The following FCHSD2 variants were observed in gnomAD, a reference collection of about 807,000 sequenced individuals.
The protein encoded by FCHSD2 is F-BAR and double SH3 domains protein 2.
FCHSD2 carries 38 observed loss-of-function variants against 108.1 expected under a neutral mutation model. The observed-to-expected ratio is 0.35, with a 90% CI of 0.27 to 0.46. The LOEUF is 0.46. Among genes scored for constraint, FCHSD2 ranks in the 20% least tolerant of loss-of-function variants. The pLI, the probability that FCHSD2 is intolerant of heterozygous loss-of-function variation, is 1.00. For missense variants in FCHSD2, 751 were observed against 897.8 expected, an observed-to-expected ratio of 0.84 and a Z score of 2.09; for synonymous variants, 279 against 314.7, an observed-to-expected ratio of 0.89 and a Z score of 1.20.
intron 2 of FCHSD2, among the ~76,000 whole-genome samples, chr11:73,105,857 T>C (rs1257680618): frequency 6.6e-6 from 1 of 152,226 alleles, no homozygotes; most frequent in African/African-American, 2.4e-5. Context: ...CTATTAAGTC[T>C]GAATGAAGAA....
At chr11:72,912,518 A>G (rs1196895110) in intron 9 of FCHSD2, among the ~76,000 whole-genome samples, 1 of 152,138 alleles carries the variant, frequency 6.6e-6, no homozygotes, top group African/African-American at 2.4e-5. Context: ...TGTTGAATTC[A>G]GTTTGCTAGT....
At chr11:73,024,235 A>C (rs182521085) in intron 3 of FCHSD2, among the ~76,000 whole-genome samples, 35 of 152,324 alleles carry the variant, frequency 2.3e-4, no homozygotes, top group African/African-American at 7.5e-4. Flanking sequence ...ATTGTATTAC[A>C]AAATGTGAGA....
At chr11:73,049,696 AAAAAAG>A (rs1858852523) in intron 3 of FCHSD2, among the ~76,000 whole-genome samples, 1 of 151,550 alleles carries the variant, frequency 6.6e-6, no homozygotes. Context: ...AAAAAAAAAA[AAAAAAG>A]AAAAAGGGGG....
intron 13 of FCHSD2, among the ~76,000 whole-genome samples, chr11:72,861,122 T>C (rs1861561593): frequency 6.6e-6 from 1 of 152,066 alleles, no homozygotes; most frequent in Non-Finnish European, 1.5e-5. Flanking sequence ...AGCTGATTCT[T>C]CATAGAGATC....
intron 2 of FCHSD2, among the ~76,000 whole-genome samples, chr11:73,096,377 CAAAA>C (rs767268719): frequency 1.5e-5 from 1 of 68,352 alleles, no homozygotes. Flanking sequence ...CCTGCCTCTA[CAAAA>C]AAAAAAAAAA....
At chr11:72,988,811 AAAATGTGACCT>A (rs1857357351) in intron 6 of FCHSD2, among the ~76,000 whole-genome samples, 142 bp downstream of exon 6, 1 of 152,260 alleles carries the variant, frequency 6.6e-6, no homozygotes, top group South Asian at 2.1e-4. Flanking sequence ...GCCAATTAAA[AAAATGTGACCT>A]AAAGTATATA....
chr11:72,870,899 CAAAAAAAAAAAA>C (rs55827213), intron 12 of FCHSD2, among the ~76,000 whole-genome samples: 2 of 77,018 alleles, frequency 2.6e-5, no homozygotes, highest in Admixed American at 1.8e-4. Context: ...GACTCCGTCT[CAAAAAAAAAAAA>C]AAAAAAAAAA....
chr11:73,095,556 T>C (rs1341809369), intron 2 of FCHSD2, among the ~76,000 whole-genome samples: 1 of 152,104 alleles, frequency 6.6e-6, no homozygotes, highest in Non-Finnish European at 1.5e-5. Context: ...AGGAAACATA[T>C]GTATGGACAT....
At chr11:73,114,175 T>C (rs1175357708) in intron 2 of FCHSD2, among the ~76,000 whole-genome samples, 1 of 151,948 alleles carries the variant, frequency 6.6e-6, no homozygotes, top group Non-Finnish European at 1.5e-5. Context: ...TTCCCTTCTC[T>C]TTCCACAAGC....
chr11:72,849,702 G>C, intron 14 of FCHSD2, 53 bp downstream of exon 14: 2 of 1,383,436 alleles, frequency 1.4e-6, no homozygotes, highest in Non-Finnish European at 1.0e-6. Context: ...ACAGTCATGT[G>C]TATCTTCAGA....
intron 2 of FCHSD2, among the ~76,000 whole-genome samples, chr11:73,105,545 GT>G (rs1288957928): frequency 3.9e-5 from 6 of 152,170 alleles, no homozygotes; most frequent in Non-Finnish European, 8.8e-5. Context: ...CATTGGATAA[GT>G]ATCTTTACTA....
chr11:73,111,354 T>G (rs1860480591), intron 2 of FCHSD2, among the ~76,000 whole-genome samples: 1 of 152,204 alleles, frequency 6.6e-6, no homozygotes, highest in South Asian at 2.1e-4. Context: ...GACCTCTTTA[T>G]CATTATACAA....
At chr11:72,861,078 A>G (rs191366525) in intron 13 of FCHSD2, among the ~76,000 whole-genome samples, 1 of 152,246 alleles carries the variant, frequency 6.6e-6, no homozygotes, top group Admixed American at 6.5e-5. Flanking sequence ...AAAATAGAAA[A>G]GAGAAAAACG....
intron 3 of FCHSD2, among the ~76,000 whole-genome samples, chr11:73,058,207 C>G (rs528149022): frequency 6.6e-6 from 1 of 152,140 alleles, no homozygotes; most frequent in African/African-American, 2.4e-5. Context: ...GGTATTGGAC[C>G]ATTATTGTTT....
intron 13 of FCHSD2, among the ~76,000 whole-genome samples, chr11:72,862,213 G>C (rs1861593237): frequency 6.6e-6 from 1 of 152,138 alleles, no homozygotes; most frequent in South Asian, 2.1e-4. Flanking sequence ...TCAAGAACAA[G>C]GCAAGGATTT....
intron 8 of FCHSD2, among the ~76,000 whole-genome samples, chr11:72,976,843 G>T (rs2135390484): frequency 6.6e-6 from 1 of 152,110 alleles, no homozygotes; most frequent in Non-Finnish European, 1.5e-5. Flanking sequence ...GCAGAAGAAT[G>T]AAACTAGACC....
intron 13 of FCHSD2, among the ~76,000 whole-genome samples, chr11:72,854,406 G>A (rs1317616932): frequency 4.6e-5 from 7 of 152,178 alleles, no homozygotes; most frequent in African/African-American, 1.7e-4. Flanking sequence ...TACATACGAT[G>A]GAATATTATT....
At chr11:72,962,989 T>C (rs1189988675) in intron 8 of FCHSD2, among the ~76,000 whole-genome samples, 1 of 152,198 alleles carries the variant, frequency 6.6e-6, no homozygotes, top group Non-Finnish European at 1.5e-5. Context: ...ACTGCTTACC[T>C]GTGTGAGCTG....
intron 3 of FCHSD2, among the ~76,000 whole-genome samples, chr11:73,018,807 C>G (rs866154206): frequency 6.6e-6 from 1 of 152,138 alleles, no homozygotes; most frequent in African/African-American, 2.4e-5. Context: ...GGTAAAATTA[C>G]AGTCAAATTT....
Sources: gnomAD v4.1 joint callset for allele counts (sites outside exome capture counted in the v4.1 genomes callset) on GRCh38, gnomAD v4.1.1 for gene constraint, MANE v1.5 for transcripts, NCBI Gene and HGNC (gene_info 2026-07-23, HGNC 2026-07-21) for gene names.